Variants in ANO3 observed in about 807,000 individuals in gnomAD.
ANO3 encodes the protein anoctamin-3.
In ANO3, 99 loss-of-function variants were observed where a neutral mutation model predicts 144.8. That is an observed-to-expected ratio of 0.68 (90% CI 0.58 to 0.81). ANO3 has a LOEUF of 0.81. Among genes scored for constraint, ANO3 ranks in the 30% least tolerant of loss-of-function variants. ANO3 has a pLI of 0.00. For missense variants in ANO3, 905 were observed against 1,202.2 expected, an observed-to-expected ratio of 0.75 and a Z score of 3.66; for synonymous variants, 414 against 392.6, an observed-to-expected ratio of 1.05 and a Z score of -0.64.
intron 1 of ANO3, among the ~76,000 whole-genome samples, chr11:26,234,981 G>C (rs368543714): frequency 7.7e-6 from 1 of 129,150 alleles, no homozygotes; most frequent in Non-Finnish European, 1.8e-5. Context: ...CAAGCAGTTA[G>C]ACAGAGAGAG....
chr11:26,373,915 A>G (rs1856332182), intron 1 of ANO3, among the ~76,000 whole-genome samples: 1 of 152,222 alleles, frequency 6.6e-6, no homozygotes. Flanking sequence ...ATTGAATATA[A>G]CAAATCTGAA....
At chr11:26,469,580 A>T (rs1590388498) in intron 4 of ANO3, among the ~76,000 whole-genome samples, 1 of 152,002 alleles carries the variant, frequency 6.6e-6, no homozygotes, top group Non-Finnish European at 1.5e-5. Flanking sequence ...TTTTCTAATG[A>T]CAGAATAGAA....
chr11:26,497,851 C>G (rs1303510634), intron 4 of ANO3, among the ~76,000 whole-genome samples: 1 of 151,958 alleles, frequency 6.6e-6, no homozygotes, highest in East Asian at 1.9e-4. Flanking sequence ...GTATTTAAAA[C>G]TTGATCTTTT....
intron 1 of ANO3, among the ~76,000 whole-genome samples, chr11:26,397,203 T>C: frequency 8.0e-6 from 1 of 124,584 alleles, no homozygotes; most frequent in African/African-American, 3.4e-5. Flanking sequence ...TACTTAGTAC[T>C]TCAGTTCTCA....
intron 1 of ANO3, among the ~76,000 whole-genome samples, chr11:26,360,763 C>T (rs534625451): frequency 6.6e-6 from 1 of 152,256 alleles, no homozygotes; most frequent in South Asian, 2.1e-4. Context: ...CTTATGTGTT[C>T]TAAAAGTTTA....
chr11:26,367,328 C>A (rs1389992797), intron 1 of ANO3, among the ~76,000 whole-genome samples: 1 of 152,174 alleles, frequency 6.6e-6, no homozygotes, highest in Non-Finnish European at 1.5e-5. Flanking sequence ...AGGACATGAA[C>A]AGAATGCACC....
At chr11:26,650,052 G>C (rs1386747926) in intron 24 of ANO3, among the ~76,000 whole-genome samples, 1 of 151,066 alleles carries the variant, frequency 6.6e-6, no homozygotes, top group Non-Finnish European at 1.5e-5. Flanking sequence ...CGTGTAGATA[G>C]CGCCCGACAT....
chr11:26,524,049 G>A (rs1849096201), intron 6 of ANO3, among the ~76,000 whole-genome samples: 1 of 152,066 alleles, frequency 6.6e-6, no homozygotes, highest in African/African-American at 2.4e-5. Flanking sequence ...ATACTCTCTG[G>A]CACTGAAAGA....
At chr11:26,471,838 G>T (rs928856091) in intron 4 of ANO3, among the ~76,000 whole-genome samples, 1 of 151,874 alleles carries the variant, frequency 6.6e-6, no homozygotes, top group South Asian at 2.1e-4. Flanking sequence ...ATAAGTCAAA[G>T]GTGTTTTCTC....
intron 22 of ANO3, 149 bp from the exon 23 acceptor site, chr11:26,643,033 A>G (rs1853220791): frequency 2.9e-6 from 2 of 679,764 alleles, no homozygotes; most frequent in South Asian, 3.9e-5. Context: ...TAATTAACAT[A>G]TATGAAATAA....
upstream of ANO3, among the ~76,000 whole-genome samples, chr11:26,329,327 C>CACAG (rs1476384143): frequency 1.5e-3 from 164 of 110,434 alleles, no homozygotes; most frequent in African/African-American, 5.8e-3. Flanking sequence ...CACACACACA[C>CACAG]AGAGAGAGAG....
intron 17 of ANO3, among the ~76,000 whole-genome samples, chr11:26,606,964 G>A (rs1436665146): frequency 2.0e-5 from 3 of 152,098 alleles, no homozygotes; most frequent in Non-Finnish European, 4.4e-5. Flanking sequence ...GGCAGGTCTG[G>A]TGGTGATGAA....
chr11:26,564,763 A>C (rs1197957646), intron 14 of ANO3, among the ~76,000 whole-genome samples: 3,715 of 98,756 alleles, frequency 0.038, 261 homozygotes, highest in Non-Finnish European at 0.057. Context: ...ATATATATAT[A>C]TATATATATA....
chr11:26,345,163 C>T (rs1231465408), intron 1 of ANO3, among the ~76,000 whole-genome samples: 1 of 152,120 alleles, frequency 6.6e-6, no homozygotes, highest in Admixed American at 6.6e-5. Flanking sequence ...CTCTCTTCTT[C>T]AGACCTAGTA....
rs753864947 is a variant in ANO3 at position 26,599,030 on chromosome 11, T to G, written c.1671+32T>G. On this transcript the variant is annotated intron_variant, in intron 16 of 26. Coordinates refer to ENST00000256737, the MANE Select transcript of ANO3 (RefSeq NM_031418.4). ...TATAGGCATCGATATCAAAATGTTT[T>G]GGGATTCTAAATTTAGAAGTAAGTT... The G allele has an allele frequency of 4.4e-6, 7 of 1,606,818 alleles. No homozygotes were observed. The African/African-American group carries it at 5.4e-5, about 12-fold the overall frequency.
chr11:26,408,765 C>T (rs1011141319), intron 1 of ANO3, among the ~76,000 whole-genome samples: 94 of 151,068 alleles, frequency 6.2e-4, no homozygotes, highest in African/African-American at 2.1e-3. Context: ...GAAAATGTGG[C>T]GCATATACAC....
intron 4 of ANO3, among the ~76,000 whole-genome samples, chr11:26,507,414 T>C (rs1389403202): frequency 1.3e-5 from 2 of 152,196 alleles, no homozygotes; most frequent in South Asian, 2.1e-4. Context: ...GTGAAGGCCC[T>C]AGAGCAGTCT....
intron 1 of ANO3, among the ~76,000 whole-genome samples, chr11:26,407,071 T>TATATATATAC (rs1286665166): frequency 1.0e-5 from 1 of 99,132 alleles, no homozygotes; most frequent in Non-Finnish European, 2.3e-5. Flanking sequence ...TGTGTGTGTG[T>TATATATATAC]GTGTGTATAT....
intron 7 of ANO3, among the ~76,000 whole-genome samples, chr11:26,528,487 TA>T (rs1443227357): frequency 6.6e-6 from 1 of 152,202 alleles, no homozygotes; most frequent in Non-Finnish European, 1.5e-5. Flanking sequence ...CTTTTAAAAC[TA>T]TTTAAAATTC....
Sources: allele counts gnomAD v4.1 joint callset (sites outside exome capture counted in the v4.1 genomes callset), GRCh38; gene constraint gnomAD v4.1.1; transcripts MANE v1.5; gene names NCBI Gene and HGNC (gene_info 2026-07-23, HGNC 2026-07-21).